The following FUT8 variants were observed in gnomAD, a reference collection of about 807,000 sequenced individuals.
The protein encoded by FUT8 is fucosyltransferase 8.
A neutral mutation model predicts 71.3 loss-of-function variants in FUT8; 29 were observed. The ratio of observed to expected loss-of-function variants is 0.41; its 90% CI spans 0.30 to 0.55. FUT8 has a LOEUF of 0.55. FUT8 is among the 20% of genes least tolerant of loss of function. FUT8 has a pLI of 0.34. For synonymous variants in FUT8, 254 were observed against 239.3 expected, an observed-to-expected ratio of 1.06 and a Z score of -0.57; for missense variants, 544 against 702.1, an observed-to-expected ratio of 0.77 and a Z score of 2.55.
chr14:65,587,152 G>C (rs984788345), intron 3 of FUT8, among the ~76,000 whole-genome samples: 5 of 149,144 alleles, frequency 3.4e-5, no homozygotes, highest in Non-Finnish European at 7.4e-5. Context: ...TCGTGCCACT[G>C]CACTCCAGCC....
intron 7 of FUT8, among the ~76,000 whole-genome samples, chr14:65,704,418 T>G (rs1894460108): frequency 1.3e-5 from 2 of 152,180 alleles, no homozygotes; most frequent in South Asian, 4.1e-4. Context: ...AAATTAAGCC[T>G]TGCCTTCCTA....
chr14:65,528,148 T>TGG (rs1220350985), intron 2 of FUT8, among the ~76,000 whole-genome samples: 1 of 152,198 alleles, frequency 6.6e-6, no homozygotes, highest in Non-Finnish European at 1.5e-5. Flanking sequence ...TCCACAGAGG[T>TGG]GGAGTCTGCA....
intron 2 of FUT8, among the ~76,000 whole-genome samples, chr14:65,458,981 G>C (rs2065934737): frequency 6.6e-6 from 1 of 151,976 alleles, no homozygotes; most frequent in South Asian, 2.1e-4. Flanking sequence ...AAGAGATGGG[G>C]TTTCACCATG....
chr14:65,629,870 A>G (rs912973554), intron 6 of FUT8, among the ~76,000 whole-genome samples: 6 of 152,020 alleles, frequency 3.9e-5, no homozygotes, highest in Non-Finnish European at 7.4e-5. Flanking sequence ...TACAATACAA[A>G]TATAACATCT....
At chr14:65,443,430 G>GA (rs2139499465) in intron 1 of FUT8, among the ~76,000 whole-genome samples, 1 of 146,648 alleles carries the variant, frequency 6.8e-6, no homozygotes, top group African/African-American at 2.5e-5. Flanking sequence ...AAAGAGTTTT[G>GA]AAAATCAAGG....
chr14:65,646,085 CATG>C (rs1361123430), intron 6 of FUT8: 1 of 152,154 alleles, frequency 6.6e-6, no homozygotes, highest in African/African-American at 2.4e-5. Flanking sequence ...TCATTTAACT[CATG>C]ATGGTGAAAT....
At chr14:65,585,907 A>G (rs1294411991) in intron 3 of FUT8, among the ~76,000 whole-genome samples, 1 of 152,218 alleles carries the variant, frequency 6.6e-6, no homozygotes, top group Non-Finnish European at 1.5e-5. Flanking sequence ...GGATGGAAAC[A>G]GTTCCTAAAA....
the FUT8 span, among the ~76,000 whole-genome samples, chr14:65,383,512 C>T: frequency 1.3e-5 from 2 of 152,014 alleles, no homozygotes; most frequent in African/African-American, 2.4e-5. Flanking sequence ...CCTTGTGATC[C>T]GCCTGCCTTG....
chr14:65,678,813 A>G (rs889850223), intron 7 of FUT8, among the ~76,000 whole-genome samples: 2 of 152,214 alleles, frequency 1.3e-5, no homozygotes, highest in African/African-American at 2.4e-5. Context: ...GGATCTGAAT[A>G]TTAGAAATAA....
intron 2 of FUT8, among the ~76,000 whole-genome samples, chr14:65,543,638 G>A (rs17102756): frequency 0.025 from 3,821 of 152,104 alleles, 151 homozygotes; most frequent in African/African-American, 0.087. Context: ...TTTTGTTTTG[G>A]AGCCTACCCT....
chr14:65,530,811 CTT>C (rs1183786606), intron 2 of FUT8, among the ~76,000 whole-genome samples: 1 of 150,496 alleles, frequency 6.6e-6, no homozygotes, highest in African/African-American at 2.4e-5. Flanking sequence ...CTCTCTCGCT[CTT>C]TCTCTCTCTC....
intron 2 of FUT8, among the ~76,000 whole-genome samples, chr14:65,486,189 TTTTC>T (rs1273702199): frequency 6.6e-6 from 1 of 152,234 alleles, no homozygotes; most frequent in Non-Finnish European, 1.5e-5. Flanking sequence ...GTATTGGCAA[TTTTC>T]TTTCTAAAAA....
At chr14:65,618,034 T>G (rs1218589191) in intron 5 of FUT8, among the ~76,000 whole-genome samples, 1 of 121,610 alleles carries the variant, frequency 8.2e-6, no homozygotes, top group African/African-American at 3.0e-5. Context: ...TATATATATA[T>G]ATATATATAT....
At chr14:65,519,113 T>G (rs1015204694) in intron 2 of FUT8, among the ~76,000 whole-genome samples, 8 of 152,180 alleles carry the variant, frequency 5.3e-5, no homozygotes, top group Non-Finnish European at 1.2e-4. Context: ...TAAAAATATT[T>G]GAATACATGA....
the FUT8 span, among the ~76,000 whole-genome samples, chr14:65,385,292 C>T: frequency 6.6e-6 from 1 of 152,092 alleles, no homozygotes; most frequent in Admixed American, 6.6e-5. Flanking sequence ...TAGCTTTTTC[C>T]ATATCCGAAG....
At chr14:65,543,476 T>C (rs562149594) in intron 2 of FUT8, among the ~76,000 whole-genome samples, 103 of 152,290 alleles carry the variant, frequency 6.8e-4, no homozygotes, top group African/African-American at 2.3e-3. Context: ...CCTTTTAGTA[T>C]AGGAAATAGA....
intron 3 of FUT8, among the ~76,000 whole-genome samples, chr14:65,588,711 TA>T (rs1887524386): frequency 1.5e-5 from 1 of 68,148 alleles, no homozygotes; most frequent in Non-Finnish European, 5.7e-5. Flanking sequence ...GAAAATAAGA[TA>T]TTTTGAGAGA....
intron 2 of FUT8, among the ~76,000 whole-genome samples, chr14:65,498,575 A>T (rs919124537): frequency 7.2e-5 from 11 of 152,182 alleles, no homozygotes; most frequent in African/African-American, 2.7e-4. Context: ...TTAAATACTC[A>T]TAGAATATAA....
chr14:65,593,761 A>G (rs772087246), intron 3 of FUT8, among the ~76,000 whole-genome samples: 2 of 152,202 alleles, frequency 1.3e-5, no homozygotes, highest in Non-Finnish European at 2.9e-5. Context: ...TTTTTAATAG[A>G]GATGGGGTTT....
Sources: allele counts gnomAD v4.1 joint callset (sites outside exome capture counted in the v4.1 genomes callset), GRCh38; gene constraint gnomAD v4.1.1; transcripts MANE v1.5; gene names NCBI Gene and HGNC (gene_info 2026-07-23, HGNC 2026-07-21).